Variants in FBXL2 observed in about 807,000 individuals in gnomAD.
The protein encoded by FBXL2 is F-box and leucine rich repeat protein 2.
Under a neutral mutation model 69.2 loss-of-function variants are expected in FBXL2, and 38 were observed. The ratio of observed to expected loss-of-function variants is 0.55; its 90% confidence interval spans 0.42 to 0.72. The LOEUF (loss-of-function observed/expected upper bound fraction) is 0.72. FBXL2 is among the 30% of genes least tolerant of loss of function. The probability of loss-of-function intolerance (pLI) is 0.00; values close to 1 mark genes in which losing one functional copy is unlikely to be tolerated. For synonymous variants in FBXL2, 192 were observed against 201.3 expected (o/e 0.95, Z 0.39); for missense variants, 354 against 520.3 (o/e 0.68, Z 3.11).
intron 1 of FBXL2, among the ~76,000 whole-genome samples, chr3:33,295,850 G>T (rs528706813): frequency 4.6e-4 from 70 of 152,150 alleles, no homozygotes; most frequent in Non-Finnish European, 8.1e-4. Context: ...TTTCATGTAT[G>T]TATTGGCCAT....
intron 2 of FBXL2, among the ~76,000 whole-genome samples, chr3:33,321,508 A>G (rs1296599467): frequency 1.3e-5 from 2 of 152,206 alleles, no homozygotes; most frequent in East Asian, 3.9e-4. Context: ...AAAAATTAAG[A>G]AATGTGACAT....
Position 33,297,887 on chromosome 3 carries a change from G to T in FBXL2, c.65+162G>T, listed in dbSNP as rs776190261. On this transcript the variant is annotated intron_variant, in intron 2 of 14. Coordinates refer to ENST00000484457, the MANE Select transcript of FBXL2 (RefSeq NM_012157.5). ...TTTATAGAATGCTGTTCAGCTTGTTGTTAAATTTTACTTGGTCTAATCCAG... is the reference window on the plus strand; with the variant it reads ...TTTATAGAATGCTGTTCAGCTTGTTTTTAAATTTTACTTGGTCTAATCCAG... 3.2e-5 allele frequency: 21 copies of T among 662,154 alleles called. No homozygotes were observed. In the South Asian group the frequency reaches 3.3e-4, roughly 10 times the overall value. 41.0% of individuals were successfully genotyped at this position (662,154 alleles called of 1,614,324 possible).
chr3:33,302,557 A>G (rs2036384843), intron 2 of FBXL2, among the ~76,000 whole-genome samples: 1 of 152,224 alleles, frequency 6.6e-6, no homozygotes, highest in Non-Finnish European at 1.5e-5. Flanking sequence ...AACCCCTCAT[A>G]GGAGACAGCA....
the FBXL2 span, chr3:33,412,623 C>A: frequency 1.2e-4 from 88 of 709,144 alleles, no homozygotes; most frequent in Non-Finnish European, 1.7e-4. Flanking sequence ...AACACCAAAA[C>A]TTTCCCCACA....
Position 33,311,959 on chromosome 3 carries a change from A to G in FBXL2, c.65+14234A>G, listed in dbSNP as rs551408796. ...TTTTATGATTTCTGTCTCTTTGTTG[A>G]ACTAATTTTGTTTATGTATTGTTTT... On this transcript the variant is annotated intron_variant, in intron 2 of 14. Coordinates refer to ENST00000484457, the MANE Select transcript of FBXL2 (RefSeq NM_012157.5). Among the ~76,000 whole-genome samples, 6 of 152,004 alleles carry G rather than the reference A, an allele frequency of 3.9e-5. No homozygotes were observed. In the South Asian group the frequency reaches 1.2e-3, roughly 32 times the overall value.
intron 1 of FBXL2, among the ~76,000 whole-genome samples, chr3:33,290,273 CTA>C (rs1425378278): frequency 1.3e-5 from 2 of 152,170 alleles, no homozygotes; most frequent in African/African-American, 4.8e-5. Flanking sequence ...CCCAGCTCAA[CTA>C]TAGATTAAAA....
intron 1 of FBXL2, among the ~76,000 whole-genome samples, chr3:33,295,117 A>G (rs913430187): frequency 6.6e-6 from 1 of 152,218 alleles, no homozygotes; most frequent in African/African-American, 2.4e-5. Context: ...GATATTCATC[A>G]TATACTATAA....
chr3:33,421,094 G>A, the FBXL2 span, among the ~76,000 whole-genome samples: 7 of 152,150 alleles, frequency 4.6e-5, no homozygotes, highest in Non-Finnish European at 1.0e-4. Context: ...AGCATCACAG[G>A]CTCAGCCCCC....
At chr3:33,296,551 T>A (rs1397658755) in intron 1 of FBXL2, among the ~76,000 whole-genome samples, 1 of 152,184 alleles carries the variant, frequency 6.6e-6, no homozygotes, top group Non-Finnish European at 1.5e-5. Flanking sequence ...AATTTTTTTT[T>A]ATATGAAGTG....
chr3:33,316,886 TTC>T (rs59728186), intron 2 of FBXL2, among the ~76,000 whole-genome samples: 27,204 of 151,920 alleles, frequency 0.18, 3,122 homozygotes, highest in East Asian at 0.47. Context: ...GTATAGAATT[TTC>T]TCTGTTTTTC....
chr3:33,366,476 G>A (rs903752418), intron 5 of FBXL2, among the ~76,000 whole-genome samples: 3 of 152,022 alleles, frequency 2.0e-5, no homozygotes, highest in Admixed American at 6.6e-5. Flanking sequence ...AGACCAGCCT[G>A]AGCAACACAG....
rs116009179 is a variant in FBXL2, at chr3:33,306,828, C to G, written c.65+9103C>G. 5.4e-3 allele frequency among the ~76,000 whole-genome samples: 819 copies of G among 152,152 alleles called. 6 individuals are homozygous for G. Among genetic ancestry groups the G allele is most frequent in the African/African-American group, 0.018 (766 of 41,546 alleles). On this transcript the variant is annotated intron_variant, in intron 2 of 14. Coordinates refer to ENST00000484457, the MANE Select transcript of FBXL2 (RefSeq NM_012157.5). ...GTTTGGTTTTATCTTTTTTCAGATG[C>G]TAGTGTCGATGCTTATTGTCTACAT... is the stretch of plus-strand genomic sequence containing the variant.
intron 12 of FBXL2, chr3:33,402,992 A>G: frequency 2.6e-6 from 3 of 1,141,220 alleles, no homozygotes; most frequent in Non-Finnish European, 3.8e-6. Context: ...AACCAAATGC[A>G]AGATTATAAA....
At chr3:33,376,156 C>A (rs200228331) in intron 10 of FBXL2, among the ~76,000 whole-genome samples, 38 of 136,542 alleles carry the variant, frequency 2.8e-4, no homozygotes, top group African/African-American at 4.5e-4. Flanking sequence ...GACCCCATCT[C>A]AAAAAAAAAA....
chr3:33,282,809 A>G (rs1251894660), intron 1 of FBXL2, among the ~76,000 whole-genome samples: 2 of 152,152 alleles, frequency 1.3e-5, no homozygotes, highest in African/African-American at 2.4e-5. Context: ...CTTTGAAACA[A>G]TTGTGAATGG....
chr3:33,419,797 C>T, the FBXL2 span, among the ~76,000 whole-genome samples: 6 of 152,112 alleles, frequency 3.9e-5, no homozygotes, highest in Non-Finnish European at 8.8e-5. Context: ...ATTTTTAATA[C>T]CACGGCTTCC....
intron 12 of FBXL2, among the ~76,000 whole-genome samples, chr3:33,400,560 G>A (rs2044185717): frequency 6.6e-6 from 1 of 152,270 alleles, no homozygotes; most frequent in Middle Eastern, 3.4e-3. Context: ...TGTCTTAAGT[G>A]AAATAAGCCA....
In FBXL2 at chr3:33,359,351, T is replaced by C. The variant is rs759998590; in HGVS notation, c.189T>C (p.Asp63=). The C allele has an allele frequency of 6.2e-7, 1 of 1,610,508 alleles. No homozygotes were observed. Among genetic ancestry groups the C allele is most frequent in the Non-Finnish European group, 8.5e-7 (1 of 1,177,628 alleles). ...QRIDLFNFQT[D]VEGRVVENIS... ...TAGATCTTTTTAACTTTCAAACAGA[T>C]GTAGAGGTAAGTTAGCTTTGGTTTA... is the stretch of plus-strand genomic sequence containing the variant. The change falls in exon 4 of 15, where the codon GAT becomes GAC. Residue 63 remains aspartate (D), a synonymous_variant. Coordinates refer to ENST00000484457, the MANE Select transcript of FBXL2 (RefSeq NM_012157.5).
At chr3:33,294,992 G>C (rs1481458058) in intron 1 of FBXL2, among the ~76,000 whole-genome samples, 1 of 152,032 alleles carries the variant, frequency 6.6e-6, no homozygotes, top group African/African-American at 2.4e-5. Flanking sequence ...CCAACACAAA[G>C]ATTCATCATT....
Sources: allele counts gnomAD v4.1 joint callset (sites outside exome capture counted in the v4.1 genomes callset), GRCh38; gene constraint gnomAD v4.1.1; transcripts MANE v1.5; gene names NCBI Gene and HGNC (gene_info 2026-07-23, HGNC 2026-07-21).